Variants in NALCN observed in about 807,000 individuals in gnomAD.
NALCN encodes sodium leak channel, non-selective.
A neutral mutation model predicts 225.3 loss-of-function variants in NALCN; 111 were observed. The ratio of observed to expected loss-of-function variants is 0.49; its 90% CI spans 0.42 to 0.58. The LOEUF is 0.58. Ranked by LOEUF, NALCN falls within the 20% of genes least tolerant of loss-of-function variation. The pLI is 0.00. For synonymous variants in NALCN, 764 were observed against 769.0 expected (o/e 0.99, Z 0.11); for missense variants, 1,378 against 2,202.4 (o/e 0.63, Z 7.49).
chr13:101,227,431 A>G (rs774696902), intron 13 of NALCN, among the ~76,000 whole-genome samples: 2 of 152,008 alleles, frequency 1.3e-5, no homozygotes, highest in Non-Finnish European at 2.9e-5. Flanking sequence ...TGGCCAACCC[A>G]GAGATTGACT....
chr13:101,191,845 G>A (rs2039692873), intron 14 of NALCN, 72 bp downstream of exon 14: 1 of 1,502,880 alleles, frequency 6.7e-7, no homozygotes, highest in Non-Finnish European at 9.0e-7. Context: ...ATTGACAATA[G>A]GCCAAATATC....
At position 101,058,024 on chromosome 13, in the gene NALCN, C is replaced by A; in HGVS notation, c.4938G>T (p.Thr1646=). ...TSSQQQLLSP[T]LSDRGGSRQD... is the part of the protein sequence containing the mutation. ...GCCGACTTCCTCCTCGATCCGACAG[C>A]GTGGGGCTCAGGAGCTGCTGCTGGC... is the stretch of plus-strand genomic sequence containing the variant. Residue 1646 remains threonine, a synonymous_variant, in exon 43 of 44, where the codon ACG becomes ACT. Transcript: ENST00000251127. 2 of 1,613,534 alleles carry A rather than the reference C, an allele frequency of 1.2e-6. No homozygotes were observed.
At chr13:101,324,994 G>A (rs1175857952) in intron 7 of NALCN, among the ~76,000 whole-genome samples, 1 of 152,106 alleles carries the variant, frequency 6.6e-6, no homozygotes, top group Admixed American at 6.5e-5. Flanking sequence ...AAGGGCTGTT[G>A]CATTGGGCTT....
At chr13:101,080,664 TATAA>T (rs1472474749) in intron 34 of NALCN, among the ~76,000 whole-genome samples, 1 of 146,676 alleles carries the variant, frequency 6.8e-6, no homozygotes, top group Non-Finnish European at 1.5e-5. Flanking sequence ...TATATAACTA[TATAA>T]ATAATAAAAA....
intron 17 of NALCN, among the ~76,000 whole-genome samples, chr13:101,128,023 T>A (rs2036324979): frequency 6.6e-6 from 1 of 152,174 alleles, no homozygotes; most frequent in South Asian, 2.1e-4. Context: ...CATTTCATGA[T>A]GAGTAATTTC....
chr13:101,264,875 T>A (rs536389050), intron 10 of NALCN, among the ~76,000 whole-genome samples: 1 of 152,252 alleles, frequency 6.6e-6, no homozygotes, highest in South Asian at 2.1e-4. Flanking sequence ...AACAAAAGCA[T>A]GTGTTAGTTT....
chr13:101,376,662 A>G (rs1261191055), intron 6 of NALCN, 38 bp downstream of exon 6: 1 of 1,561,242 alleles, frequency 6.4e-7, no homozygotes, highest in East Asian at 2.2e-5. Context: ...ATCTTTGTTA[A>G]TCAACTAGAT....
At chr13:101,367,187 G>C (rs17583885) in intron 6 of NALCN, among the ~76,000 whole-genome samples, 24,011 of 151,480 alleles carry the variant, frequency 0.16, 2,237 homozygotes, top group Non-Finnish European at 0.22. Context: ...TGCAGTTGTA[G>C]AAAGAAACTC....
At chr13:101,282,495 G>C (rs1031427377) in intron 10 of NALCN, among the ~76,000 whole-genome samples, 1 of 152,126 alleles carries the variant, frequency 6.6e-6, no homozygotes, top group Admixed American at 6.6e-5. Flanking sequence ...TGGTTACCAG[G>C]GGCTGGGGAC....
intron 9 of NALCN, 39 bp downstream of exon 9, chr13:101,291,951 G>A: frequency 6.3e-7 from 1 of 1,596,914 alleles, no homozygotes; most frequent in Non-Finnish European, 8.6e-7. Flanking sequence ...ACATGTGCAT[G>A]CTCGAATGGG....
Position 101,061,035 on chromosome 13 carries a change from T to C in NALCN, c.4755+933A>G, listed in dbSNP as rs17620787. ...AAGAGGATTGAAACAATCTCTGTTA[T>C]ATATAAATGTTTAGTGATTGCTTTG... On this transcript the variant is annotated intron_variant, in intron 41 of 43. Transcript: ENST00000251127. 8.8e-3 allele frequency among the ~76,000 whole-genome samples: 1,347 copies of C among 152,350 alleles called. 30 individuals are homozygous for C. Among genetic ancestry groups the C allele is most frequent in the East Asian group, 0.088 (457 of 5,170 alleles).
chr13:101,092,824 A>G (rs1452280467), intron 28 of NALCN, among the ~76,000 whole-genome samples: 1 of 152,174 alleles, frequency 6.6e-6, no homozygotes, highest in Admixed American at 6.5e-5. Context: ...ATCACAGTGT[A>G]GCTTAACATT....
intron 22 of NALCN, among the ~76,000 whole-genome samples, chr13:101,105,296 T>C (rs190442197): frequency 2.0e-5 from 3 of 152,308 alleles, no homozygotes; most frequent in African/African-American, 7.2e-5. Flanking sequence ...TTTGCCTTAA[T>C]AGTTCAAGAA....
intron 7 of NALCN, among the ~76,000 whole-genome samples, chr13:101,297,120 C>T (rs1183442247): frequency 1.3e-5 from 2 of 152,132 alleles, no homozygotes; most frequent in African/African-American, 4.8e-5. Flanking sequence ...CCATTTGTTT[C>T]TTCTAGTCTT....
chr13:101,175,355 T>TA (rs1035731399), intron 15 of NALCN, among the ~76,000 whole-genome samples: 1 of 151,730 alleles, frequency 6.6e-6, no homozygotes, highest in East Asian at 1.9e-4. Context: ...TGAGATAGAT[T>TA]AAAAAAAATT....
chr13:101,327,128 G>T (rs2044984408), intron 7 of NALCN, among the ~76,000 whole-genome samples: 4 of 152,038 alleles, frequency 2.6e-5, no homozygotes, highest in South Asian at 4.2e-4. Context: ...ATGGCAAATG[G>T]GTTATGTGTC....
At chr13:101,136,715 T>C (rs2036817565) in intron 17 of NALCN, among the ~76,000 whole-genome samples, 1 of 152,212 alleles carries the variant, frequency 6.6e-6, no homozygotes, top group South Asian at 2.1e-4. Context: ...TGATGGACAT[T>C]TGGGTTGGTT....
chr13:101,358,924 T>A (rs1373200927), intron 6 of NALCN, among the ~76,000 whole-genome samples: 1 of 151,306 alleles, frequency 6.6e-6, no homozygotes, highest in East Asian at 1.9e-4. Context: ...AGCCATCACC[T>A]TCAGCAAACG....
intron 6 of NALCN, among the ~76,000 whole-genome samples, chr13:101,375,944 A>C (rs2046677096): frequency 6.6e-6 from 1 of 152,112 alleles, no homozygotes; most frequent in Non-Finnish European, 1.5e-5. Flanking sequence ...CTGGAGTTGT[A>C]TATTAACAAT....
Sources: gnomAD v4.1 joint callset for allele counts (sites outside exome capture counted in the v4.1 genomes callset) on GRCh38, gnomAD v4.1.1 for gene constraint, MANE v1.5 for transcripts, NCBI Gene and HGNC (gene_info 2026-07-23, HGNC 2026-07-21) for gene names.